ITGB3: variants seen among roughly 807,000 people sequenced by gnomAD.
The protein encoded by ITGB3 is integrin subunit beta 3.
In ITGB3, 48 loss-of-function variants were observed where a neutral mutation model predicts 85.8. The observed-to-expected ratio is 0.56, with a 90% CI of 0.44 to 0.71. The LOEUF (loss-of-function observed/expected upper bound fraction) is 0.71. Among genes scored for constraint, ITGB3 ranks in the 30% least tolerant of loss-of-function variants. The pLI, the probability that ITGB3 is intolerant of heterozygous loss-of-function variation, is 0.00. For missense variants in ITGB3, 861 were observed against 1,019.1 expected, an observed-to-expected ratio of 0.84 and a Z score of 2.11; for synonymous variants, 363 against 395.6, an observed-to-expected ratio of 0.92 and a Z score of 0.98.
chr17:47,297,290 G>C (rs973660673), intron 10 of ITGB3, among the ~76,000 whole-genome samples: 6 of 152,120 alleles, frequency 3.9e-5, no homozygotes, highest in Non-Finnish European at 8.8e-5. Context: ...ATATGGCCTT[G>C]GGAAAGTTAC....
At chr17:47,291,588 G>C (rs1437577878) in intron 9 of ITGB3, 1 of 266,934 alleles carries the variant, frequency 3.7e-6, no homozygotes, top group Non-Finnish European at 7.1e-6. Flanking sequence ...GAAGAAAATA[G>C]ATCTTTGGAT....
At chr17:47,262,730 A>G (rs1473529879) in intron 1 of ITGB3, among the ~76,000 whole-genome samples, 1 of 152,120 alleles carries the variant, frequency 6.6e-6, no homozygotes, top group Non-Finnish European at 1.5e-5. Flanking sequence ...TGATTTCTTC[A>G]CTATATCCTG....
chr17:47,287,351 C>A, intron 6 of ITGB3, 120 bp downstream of exon 6: 1 of 1,146,980 alleles, frequency 8.7e-7, no homozygotes, highest in South Asian at 1.3e-5. Context: ...GTGCAGGGCT[C>A]GGTTCCAGCT....
At position 47,290,212 on chromosome 17, in the gene ITGB3, A is replaced by G. The variant is rs2065119529; in HGVS notation, c.1063A>G (p.Thr355Ala). ...QNYSELIPGT[T>A]VGVLSMDSSN... Reference sequence around the variant, plus strand: ...CTATAGTGAGCTCATCCCAGGGACCACAGTTGGGGTTCTGTCCATGGATTC... The same window carrying G: ...CTATAGTGAGCTCATCCCAGGGACCGCAGTTGGGGTTCTGTCCATGGATTC... Residue 355 changes from threonine (T) to alanine (A), a missense_variant, in exon 8 of 15, where the codon ACA (threonine) becomes GCA (alanine). Thr to Ala is a moderately conservative substitution (Grantham distance 58, BLOSUM62 0). Coordinates refer to ENST00000559488, the MANE Select transcript of ITGB3 (RefSeq NM_000212.3). 3 of 1,613,946 alleles carry G rather than the reference A, an allele frequency of 1.9e-6. No individual in the cohort carries two copies. Among genetic ancestry groups the G allele is most frequent in the African/African-American group, 2.7e-5 (2 of 74,914 alleles).
chr17:47,272,700 C>CTTCTTTCTTTCT (rs143829232), intron 1 of ITGB3, among the ~76,000 whole-genome samples: 99 of 139,722 alleles, frequency 7.1e-4, no homozygotes, highest in Middle Eastern at 7.0e-3. Context: ...TCTTTCTTTC[C>CTTCTTTCTTTCT]TTCTTTCTTT....
At chr17:47,275,907 T>G (rs540120260) in intron 2 of ITGB3, among the ~76,000 whole-genome samples, 3 of 152,298 alleles carry the variant, frequency 2.0e-5, no homozygotes, top group East Asian at 3.9e-4. Context: ...TCTCCTCCCC[T>G]CTGGGCTGAG....
intron 6 of ITGB3, among the ~76,000 whole-genome samples, chr17:47,288,211 A>T (rs1388616321): frequency 8.5e-6 from 1 of 117,220 alleles, no homozygotes; most frequent in Non-Finnish European, 1.8e-5. Context: ...TTAGAAAGAG[A>T]GAGAGAGAGA....
intron 1 of ITGB3, among the ~76,000 whole-genome samples, chr17:47,260,656 C>G (rs1486674926): frequency 6.6e-6 from 1 of 152,192 alleles, no homozygotes; most frequent in East Asian, 1.9e-4. Context: ...CTGGAGCCGC[C>G]TGCAAGGAGC....
At chr17:47,277,455 T>C (rs1194815421) in intron 2 of ITGB3, among the ~76,000 whole-genome samples, 1 of 152,156 alleles carries the variant, frequency 6.6e-6, no homozygotes, top group South Asian at 2.1e-4. Context: ...CTGGTGCCTG[T>C]AGTCCCAGCT....
Position 47,310,168 on chromosome 17 carries a change from G to C in ITGB3, c.2331G>C (p.Thr777=). ...ACAACCCACTGTATAAAGAGGCCAC[G>C]TCTACCTTCACCAATATCACGTACC... ...TANNPLYKEA[T]STFTNITYRG... Residue 777 remains threonine (T), a synonymous_variant, in exon 15 of 15, where the codon ACG becomes ACC. Transcript: ENST00000559488. 1 of 1,614,022 alleles carries C rather than the reference G, an allele frequency of 6.2e-7. No individual in the cohort carries two copies. The highest frequency in any genetic ancestry group is 8.5e-7 in the Non-Finnish European group (1 of 1,179,976).
Position 47,288,206 on chromosome 17 carries a change from A to AAGAGAG in ITGB3, c.939+1005_939+1010dup, listed in dbSNP as rs200536313. 3.6e-3 allele frequency among the ~76,000 whole-genome samples: 489 copies of AAGAGAG among 134,900 alleles called. 5 individuals carry two copies. In the Middle Eastern group the frequency reaches 0.041, roughly 11 times the overall value. The allele number at this position is 134,900 out of a possible 152,430, so 88.5% of individuals were successfully genotyped here. On this transcript the variant is annotated intron_variant, in intron 6 of 14. Coordinates refer to ENST00000559488, the MANE Select transcript of ITGB3 (RefSeq NM_000212.3). The stretch of plus-strand genomic sequence containing the variant: ...CCTAGTGGAGACCCCTTCTCTTAGA[A>AAGAGAG]AGAGAGAGAGAGAGAGAGAGAGAGA...
Position 47,290,256 on chromosome 17 carries a change from C to T in ITGB3, c.1107C>T (p.Leu369=), listed in dbSNP as rs772702255. Residue 369 remains leucine, a synonymous_variant, in exon 8 of 15, where the codon CTC becomes CTT. Coordinates refer to ENST00000559488, the MANE Select transcript of ITGB3 (RefSeq NM_000212.3). ...TGGATTCCAGCAATGTCCTCCAGCTCATTGTTGATGCTTATGGGGTAAGTG... is the reference window on the plus strand; with the variant it reads ...TGGATTCCAGCAATGTCCTCCAGCTTATTGTTGATGCTTATGGGGTAAGTG... ...LSMDSSNVLQ[L]IVDAYGKIRS... is the part of the protein sequence containing the mutation. 6.2e-7 allele frequency: 1 copy of T among 1,613,900 alleles called. No homozygotes were observed. Among genetic ancestry groups the T allele is most frequent in the Non-Finnish European group, 8.5e-7 (1 of 1,179,858 alleles).
chr17:47,254,036 T>TC (rs1291235219), intron 1 of ITGB3, 96 bp downstream of exon 1: 1 of 786,314 alleles, frequency 1.3e-6, no homozygotes, highest in Non-Finnish European at 1.8e-6. Flanking sequence ...GGAGGGCTGG[T>TC]CCCGCGCGTC....
In ITGB3 at chr17:47,289,884, C is replaced by G. The variant is rs1035817985; in HGVS notation, c.1035+108C>G. Reference sequence around the variant, plus strand: ...AGTCCCCAATCAGGAAAGAGTCTCCCCTAATCCACTCCCCAGGAGCTAAAG... The same window carrying G: ...AGTCCCCAATCAGGAAAGAGTCTCCGCTAATCCACTCCCCAGGAGCTAAAG... On this transcript the variant is annotated intron_variant, in intron 7 of 14. Transcript: ENST00000559488. 5.9e-5 allele frequency: 49 copies of G among 826,046 alleles called. No homozygotes were observed. The Admixed American group carries it at 8.9e-4, about 15-fold the overall frequency. The allele number at this position is 826,046 out of a possible 1,614,324, so 51.2% of individuals were successfully genotyped here. A position where few individuals can be genotyped will look rare whatever the true frequency, so the allele number is the denominator to read the frequency against.
At chr17:47,271,691 G>A (rs1230583211) in intron 1 of ITGB3, among the ~76,000 whole-genome samples, 1 of 152,196 alleles carries the variant, frequency 6.6e-6, no homozygotes, top group African/African-American at 2.4e-5. Flanking sequence ...GTCTTAGCCA[G>A]TTCTAGCAGC....
intron 2 of ITGB3, among the ~76,000 whole-genome samples, chr17:47,276,870 G>C (rs1041457741): frequency 1.3e-5 from 2 of 152,156 alleles, no homozygotes; most frequent in African/African-American, 2.4e-5. Flanking sequence ...CCATTTTTTA[G>C]GTAATTTTTT....
intron 5 of ITGB3, 94 bp downstream of exon 5, chr17:47,286,516 G>A: frequency 1.3e-6 from 2 of 1,490,438 alleles, no homozygotes; most frequent in South Asian, 2.3e-5. Context: ...GGTGTAAAAT[G>A]AGATGAGAAC....
chr17:47,257,137 T>A (rs948753032), intron 1 of ITGB3, among the ~76,000 whole-genome samples: 1 of 152,228 alleles, frequency 6.6e-6, no homozygotes, highest in Non-Finnish European at 1.5e-5. Context: ...CAACTACTAT[T>A]GTCATTATTC....
chr17:47,275,878 C>T (rs886281882), intron 2 of ITGB3, among the ~76,000 whole-genome samples: 20 of 152,210 alleles, frequency 1.3e-4, no homozygotes, highest in Non-Finnish European at 1.2e-4. Context: ...ATGAGACCTT[C>T]TCCCCCACCC....
Sources: allele counts gnomAD v4.1 joint callset (sites outside exome capture counted in the v4.1 genomes callset), GRCh38; gene constraint gnomAD v4.1.1; transcripts MANE v1.5; gene names NCBI Gene and HGNC (gene_info 2026-07-23, HGNC 2026-07-21).